Variants in ATP6V0A4 observed in about 807,000 individuals in gnomAD.
ATP6V0A4 encodes the protein V-type proton ATPase 116 kDa subunit a 4.
Under a neutral mutation model 107.3 loss-of-function variants are expected in ATP6V0A4, and 86 were observed. The ratio of observed to expected loss-of-function variants is 0.80; its 90% CI spans 0.67 to 0.96. The LOEUF (loss-of-function observed/expected upper bound fraction) is 0.96. ATP6V0A4 is among the 40% of genes least tolerant of loss of function. ATP6V0A4 has a pLI of 0.00. For missense variants in ATP6V0A4, 908 were observed against 1,045.6 expected (o/e 0.87, Z 1.81); for synonymous variants, 353 against 381.4 (o/e 0.93, Z 0.87).
intron 10 of ATP6V0A4, among the ~76,000 whole-genome samples, chr7:138,754,654 G>A (rs7808449): frequency 0.15 from 22,544 of 151,314 alleles, 1,793 homozygotes; most frequent in East Asian, 0.33. Context: ...ATGGAGTCTC[G>A]CTTTGTTGCC....
At position 138,752,630 on chromosome 7, in the gene ATP6V0A4, C is replaced by T. The variant is rs1184544509; in HGVS notation, c.1024G>A (p.Gly342Ser). ...TGGCTCCACCTGCCACGCACCATGCCTTGCTCCAGTGCCCTCTTGATACGT... is the reference window on the plus strand; with the variant it reads ...TGGCTCCACCTGCCACGCACCATGCTTTGCTCCAGTGCCCTCTTGATACGT... ...ATRIKRALEQGMELSGSSMAP... is the reference protein window; with the variant it reads ...ATRIKRALEQSMELSGSSMAP... The change falls in exon 11 of 22, where the codon GGC becomes AGC. Residue 342 changes from glycine (G) to serine (S), a missense_variant. Transcript: ENST00000310018. 1 of 1,613,298 alleles carries T rather than the reference C, an allele frequency of 6.2e-7. No individual in the cohort carries two copies. Among genetic ancestry groups the T allele is most frequent in the Non-Finnish European group, 8.5e-7 (1 of 1,179,860 alleles).
chr7:138,734,318 G>A lies in ATP6V0A4; in HGVS notation c.1573-64C>T, dbSNP rs1805193335. ...GTCTTAGAAGTTCTACTGGAGTTGAGGGCTACAGCACAACTTTCCCTAAGC... is the reference window on the plus strand; with the variant it reads ...GTCTTAGAAGTTCTACTGGAGTTGAAGGCTACAGCACAACTTTCCCTAAGC... On this transcript the variant is annotated intron_variant, in intron 15 of 21. Transcript: ENST00000310018. 3.1e-6 allele frequency: 5 copies of A among 1,605,614 alleles called. No homozygotes were observed. In the South Asian group the frequency reaches 5.5e-5, roughly 18 times the overall value.
At chr7:138,777,157 A>AC (rs980653731) in intron 2 of ATP6V0A4, among the ~76,000 whole-genome samples, 32 of 151,132 alleles carry the variant, frequency 2.1e-4, no homozygotes, top group Non-Finnish European at 3.0e-4. Flanking sequence ...TCAAAAAAAA[A>AC]ACAACAAAAA....
At position 138,778,318 on chromosome 7, in the gene ATP6V0A4, G is replaced by A. The variant is rs1019465131; in HGVS notation, c.-17-7054C>T. Among the ~76,000 whole-genome samples, 168 of 151,852 alleles carry A rather than the reference G, an allele frequency of 1.1e-3. 1 individual carries two copies. The highest frequency in any genetic ancestry group is 3.8e-3 in the African/African-American group (158 of 41,404). On this transcript the variant is annotated intron_variant, in intron 2 of 21. Coordinates refer to ENST00000310018, the MANE Select transcript of ATP6V0A4 (RefSeq NM_020632.3). ...AAAGGTTGCAGTGAGCCAAGATCGCGCCACTGCACTCCAGCCTGGGCAACA... is the reference window on the plus strand; with the variant it reads ...AAAGGTTGCAGTGAGCCAAGATCGCACCACTGCACTCCAGCCTGGGCAACA...
At chr7:138,790,947 T>C (rs956090322) in intron 1 of ATP6V0A4, among the ~76,000 whole-genome samples, 2 of 152,076 alleles carry the variant, frequency 1.3e-5, no homozygotes, top group Admixed American at 1.3e-4. Flanking sequence ...GTAATTGCAA[T>C]TTTGCCCACA....
At chr7:138,793,243 C>G (rs920592736) in intron 1 of ATP6V0A4, among the ~76,000 whole-genome samples, 1 of 151,984 alleles carries the variant, frequency 6.6e-6, no homozygotes, top group Non-Finnish European at 1.5e-5. Context: ...TGCAGTGAGC[C>G]GAGATCGTGC....
chr7:138,787,935 G>A (rs1808242093), intron 1 of ATP6V0A4, among the ~76,000 whole-genome samples: 2 of 152,128 alleles, frequency 1.3e-5, no homozygotes, highest in Admixed American at 1.3e-4. Flanking sequence ...AGGAGGTGGA[G>A]GCTACAGTGA....
rs137945994 is a variant in ATP6V0A4, at chr7:138,742,255, C to T, written c.1479-2622G>A. Among the ~76,000 whole-genome samples the T allele has an allele frequency of 9.6e-3, 1,459 of 151,988 alleles. 24 individuals carry two copies. Among genetic ancestry groups the T allele is most frequent in the African/African-American group, 0.032 (1,329 of 41,464 alleles). On this transcript the variant is annotated intron_variant, in intron 14 of 21. Transcript: ENST00000310018. ...CAGCCTGGCCAACATGGTGAAACCC[C>T]GTCTCTACTAAAAATATAAAAATTC...
rs533821107 is a variant in ATP6V0A4 at position 138,714,013 on chromosome 7, G to A, written c.2257+1751C>T. Among the ~76,000 whole-genome samples the A allele has an allele frequency of 9.4e-4, 139 of 148,324 alleles. 5 individuals are homozygous for A. The South Asian group carries it at 0.029, about 31-fold the overall frequency. On this transcript the variant is annotated intron_variant, in intron 20 of 21. Transcript: ENST00000310018. ...TGCTACTTGGGAGGCCAAGACAGGA[G>A]AACTGCTTGAGCCCAAGAGTTTGAG...
At chr7:138,775,738 C>A (rs1807630104) in intron 2 of ATP6V0A4, among the ~76,000 whole-genome samples, 1 of 150,754 alleles carries the variant, frequency 6.6e-6, no homozygotes, top group Non-Finnish European at 1.5e-5. Context: ...GCAAGCTCTG[C>A]CTCCTGGGTT....
chr7:138,747,345 G>A (rs1806000287), intron 13 of ATP6V0A4, 80 bp downstream of exon 13: 5 of 1,521,022 alleles, frequency 3.3e-6, no homozygotes, highest in Non-Finnish European at 4.6e-6. Flanking sequence ...ATAAAAATGT[G>A]TTATTTCTAT....
chr7:138,726,150 C>T (rs1008765521), intron 18 of ATP6V0A4, among the ~76,000 whole-genome samples: 31 of 152,142 alleles, frequency 2.0e-4, no homozygotes, highest in Middle Eastern at 3.4e-3. Flanking sequence ...CCACCACGCC[C>T]GGCTAATTTT....
intron 15 of ATP6V0A4, among the ~76,000 whole-genome samples, chr7:138,738,863 A>G (rs1189576224): frequency 3.9e-5 from 6 of 152,222 alleles, no homozygotes; most frequent in African/African-American, 1.4e-4. Flanking sequence ...AGCATTTGCC[A>G]GGTTCAATTT....
At chr7:138,746,860 T>TAAGG (rs1474613285) in intron 13 of ATP6V0A4, among the ~76,000 whole-genome samples, 10 of 152,172 alleles carry the variant, frequency 6.6e-5, no homozygotes, top group Non-Finnish European at 1.2e-4. Flanking sequence ...TTCACAGCAC[T>TAAGG]CTGCAAAGGT....
At chr7:138,713,304 T>C (rs1008872383) in intron 20 of ATP6V0A4, among the ~76,000 whole-genome samples, 3 of 143,574 alleles carry the variant, frequency 2.1e-5, no homozygotes, top group Non-Finnish European at 3.0e-5. Flanking sequence ...AAAAAAGATA[T>C]GCTTATGGGT....
chr7:138,734,340 A>G lies in ATP6V0A4; in HGVS notation c.1573-86T>C, dbSNP rs1037692. 1,171,411 of 1,598,204 alleles carry G rather than the reference A, an allele frequency of 0.73. 431,230 individuals carry two copies. Among genetic ancestry groups the G allele is most frequent in the East Asian group, 0.93 (41,116 of 44,232 alleles). ...TGAGGGCTACAGCACAACTTTCCCTAAGCAAACCGCTCTGGGAACTGCACT... is the reference window on the plus strand; with the variant it reads ...TGAGGGCTACAGCACAACTTTCCCTGAGCAAACCGCTCTGGGAACTGCACT... On this transcript the variant is annotated intron_variant, in intron 15 of 21. Coordinates refer to ENST00000310018, the MANE Select transcript of ATP6V0A4 (RefSeq NM_020632.3).
chr7:138,768,202 G>C (rs755115637), intron 5 of ATP6V0A4, among the ~76,000 whole-genome samples: 5 of 152,166 alleles, frequency 3.3e-5, no homozygotes, highest in Admixed American at 1.3e-4. Flanking sequence ...AAAGTGGTGG[G>C]ATTACAGGGG....
At chr7:138,798,009 C>G (rs1476306611) in intron 1 of ATP6V0A4, 25 bp downstream of exon 1, 1 of 1,549,552 alleles carries the variant, frequency 6.5e-7, no homozygotes, top group East Asian at 2.4e-5. Context: ...TGCTTTCCAG[C>G]TCCTGCAGGT....
intron 3 of ATP6V0A4, 28 bp from the exon 4 acceptor site, chr7:138,769,279 T>C: frequency 6.2e-7 from 1 of 1,606,042 alleles, no homozygotes; most frequent in Non-Finnish European, 8.5e-7. Context: ...ACAAGATACA[T>C]GTTAGTAGCA....
Sources: gnomAD v4.1 joint callset for allele counts (sites outside exome capture counted in the v4.1 genomes callset) on GRCh38, gnomAD v4.1.1 for gene constraint, MANE v1.5 for transcripts, NCBI Gene and HGNC (gene_info 2026-07-23, HGNC 2026-07-21) for gene names.